PDE4D: variants seen among roughly 807,000 people sequenced by gnomAD.
The protein encoded by PDE4D is phosphodiesterase 4D.
PDE4D carries 24 observed loss-of-function variants against 87.4 expected under a neutral mutation model. That is an observed-to-expected ratio of 0.27 (90% CI 0.20 to 0.39). The LOEUF (loss-of-function observed/expected upper bound fraction) is 0.39. Ranked by LOEUF, PDE4D falls within the 10% of genes least tolerant of loss-of-function variation. The pLI, the probability that PDE4D is intolerant of heterozygous loss-of-function variation, is 1.00. For synonymous variants in PDE4D, 384 were observed against 383.2 expected (o/e 1.00, Z -0.02); for missense variants, 714 against 1,041.0 (o/e 0.69, Z 4.32).
In PDE4D at chr5:59,933,993, A is replaced by AT. The variant is rs200069579; in HGVS notation, c.272+54494dup. On this transcript the variant is annotated intron_variant, in intron 3 of 16. Transcript: ENST00000502484. ...AGGTGAGGGTTTTCTTTTTCTTTTT[A>AT]TTTTTTTTGAGACAGAGTCTCAATC... Among the ~76,000 whole-genome samples, 692 of 151,558 alleles carry AT rather than the reference A, an allele frequency of 4.6e-3. 22 individuals carry two copies. In the East Asian group the frequency reaches 0.09, roughly 20 times the overall value.
chr5:59,031,380 TATATATATATATTATATATATA>T (rs1304905771), intron 6 of PDE4D, among the ~76,000 whole-genome samples: 1 of 62,670 alleles, frequency 1.6e-5, no homozygotes, highest in Non-Finnish European at 3.3e-5. Context: ...TATATATATA[TATATATATATATTATATATATA>T]TATATATATA....
At chr5:59,552,482 C>G (rs1364538920) in intron 1 of PDE4D, among the ~76,000 whole-genome samples, 2 of 151,540 alleles carry the variant, frequency 1.3e-5, no homozygotes, top group East Asian at 2.0e-4. Context: ...ACTTCCCAAA[C>G]AAATATTACA....
intron 2 of PDE4D, among the ~76,000 whole-genome samples, chr5:60,051,126 C>T (rs1208308192): frequency 1.3e-5 from 2 of 151,978 alleles, no homozygotes; most frequent in African/African-American, 4.8e-5. Flanking sequence ...ATATTAGACA[C>T]ATCATTGAGA....
intron 5 of PDE4D, among the ~76,000 whole-genome samples, chr5:59,046,424 G>A (rs934665441): frequency 2.7e-5 from 4 of 148,346 alleles, no homozygotes; most frequent in Non-Finnish European, 4.6e-5. Context: ...GAGAGAATGT[G>A]TGTGTGTGTG....
At chr5:59,069,501 G>A (rs1390202301) in intron 5 of PDE4D, among the ~76,000 whole-genome samples, 1 of 146,614 alleles carries the variant, frequency 6.8e-6, no homozygotes, top group Non-Finnish European at 1.5e-5. Context: ...ACTCTCTTAT[G>A]GAACAAGAAG....
chr5:59,802,396 CTT>C (rs60356253), intron 1 of PDE4D, among the ~76,000 whole-genome samples: 17,761 of 109,948 alleles, frequency 0.16, 850 homozygotes, highest in Middle Eastern at 0.27. Context: ...CTTCCATATT[CTT>C]TTTTTTTTTT....
intron 1 of PDE4D, among the ~76,000 whole-genome samples, chr5:60,436,046 G>T (rs1744734056): frequency 6.6e-6 from 1 of 152,086 alleles, no homozygotes; most frequent in Non-Finnish European, 1.5e-5. Context: ...AGTAGATAAT[G>T]AAACTCTGGA....
intron 1 of PDE4D, among the ~76,000 whole-genome samples, chr5:59,416,112 G>C (rs1334314322): frequency 6.6e-6 from 1 of 152,176 alleles, no homozygotes; most frequent in Non-Finnish European, 1.5e-5. Flanking sequence ...CTACTCTCTT[G>C]TCCGGGTCAA....
chr5:59,357,097 A>G lies in PDE4D; in HGVS notation c.456-141129T>C, dbSNP rs1582137188. 7.8e-6 allele frequency: 3 copies of G among 382,260 alleles called. No individual in the cohort carries two copies. In the East Asian group the frequency reaches 1.3e-4, roughly 16 times the overall value. The allele number at this position is 382,260 out of a possible 1,614,324, so 23.7% of individuals were successfully genotyped here. A position where few individuals can be genotyped will look rare whatever the true frequency, so the allele number is the denominator to read the frequency against. On this transcript the variant is annotated intron_variant, in intron 1 of 14. Coordinates refer to ENST00000340635, the MANE Select transcript of PDE4D (RefSeq NM_001104631.2). ...GTTTGCTTCACTCAGGCCTTATCTC[A>G]TAATTAACGTGAGAAACACTCCCTC...
chr5:59,251,761 G>A lies in PDE4D; in HGVS notation c.456-35793C>T, dbSNP rs572195385. Reference sequence around the variant, plus strand: ...TTCCAGCACTATTAACAATAGTAACGACATGGAATCAACCTAGATACCCAT... The same window carrying A: ...TTCCAGCACTATTAACAATAGTAACAACATGGAATCAACCTAGATACCCAT... On this transcript the variant is annotated intron_variant, in intron 1 of 14. Transcript: ENST00000340635. Among the ~76,000 whole-genome samples the A allele has an allele frequency of 6.6e-5, 10 of 152,086 alleles. 1 individual carries two copies. The highest frequency in any genetic ancestry group is 6.2e-4 in the South Asian group (3 of 4,818).
chr5:59,952,653 A>T (rs991199282), intron 3 of PDE4D, among the ~76,000 whole-genome samples: 40 of 152,328 alleles, frequency 2.6e-4, no homozygotes, highest in African/African-American at 9.4e-4. Flanking sequence ...GCCAAAGCAT[A>T]AAAAGGACAC....
At chr5:59,705,677 CTAATAT>C (rs1365023134) in intron 1 of PDE4D, among the ~76,000 whole-genome samples, 2 of 152,132 alleles carry the variant, frequency 1.3e-5, no homozygotes, top group African/African-American at 4.8e-5. Flanking sequence ...ATCTGGGTTA[CTAATAT>C]TAATAGTTCC....
At chr5:59,425,417 C>A (rs1029134179) in intron 1 of PDE4D, among the ~76,000 whole-genome samples, 1 of 152,092 alleles carries the variant, frequency 6.6e-6, no homozygotes, top group Non-Finnish European at 1.5e-5. Context: ...GGAGATTTAA[C>A]ATCCCTATTC....
chr5:59,792,439 T>TGTGTGTGTGTGTGTGTGTGTG (rs1561669604), intron 1 of PDE4D, among the ~76,000 whole-genome samples: 16 of 150,276 alleles, frequency 1.1e-4, no homozygotes, highest in African/African-American at 3.7e-4. Context: ...TGTGTGTGTG[T>TGTGTGTGTGTGTGTGTGTGTG]TTTGAGGAAG....
intron 1 of PDE4D, among the ~76,000 whole-genome samples, chr5:60,508,951 G>A (rs1750444820): frequency 6.6e-6 from 1 of 151,668 alleles, no homozygotes; most frequent in Non-Finnish European, 1.5e-5. Flanking sequence ...CCAGGCTGGA[G>A]TGCAGTGGCA....
chr5:59,412,713 G>C (rs1327384778), intron 1 of PDE4D, among the ~76,000 whole-genome samples: 2 of 152,200 alleles, frequency 1.3e-5, no homozygotes, highest in Non-Finnish European at 2.9e-5. Flanking sequence ...TGCAGAATGA[G>C]TATAAAGCAA....
chr5:59,420,089 C>T (rs866269606), intron 1 of PDE4D, among the ~76,000 whole-genome samples: 7 of 152,150 alleles, frequency 4.6e-5, no homozygotes, highest in South Asian at 2.1e-4. Context: ...TTACTTAGCA[C>T]GTGTATTTGA....
Position 59,842,645 on chromosome 5 carries a change from C to T in PDE4D, c.455+50523G>A, listed in dbSNP as rs752027902. ...TAAAGATAAATTTAATTTCCACTGG[C>T]CACATAATAATTTGTCTCATTATCT... On this transcript the variant is annotated intron_variant, in intron 1 of 14. Coordinates refer to ENST00000340635, the MANE Select transcript of PDE4D (RefSeq NM_001104631.2). Among the ~76,000 whole-genome samples the T allele has an allele frequency of 2.8e-4, 43 of 152,124 alleles. 1 individual carries two copies. Among genetic ancestry groups the T allele is most frequent in the Non-Finnish European group, 4.3e-4 (29 of 67,956 alleles).
At chr5:59,377,435 AT>A in intron 1 of PDE4D, among the ~76,000 whole-genome samples, 2 of 108,768 alleles carry the variant, frequency 1.8e-5, no homozygotes, top group African/African-American at 3.6e-5. Context: ...AAAAAAAAAT[AT>A]GTCATGACAA....
Sources: allele counts gnomAD v4.1 joint callset (sites outside exome capture counted in the v4.1 genomes callset), GRCh38; gene constraint gnomAD v4.1.1; transcripts MANE v1.5; gene names NCBI Gene and HGNC (gene_info 2026-07-23, HGNC 2026-07-21).